TRRAP: variants seen among roughly 807,000 people sequenced by gnomAD.
The protein encoded by TRRAP is transformation/transcription domain-associated protein.
Under a neutral mutation model 438.8 loss-of-function variants are expected in TRRAP, and 41 were observed. The observed-to-expected ratio is 0.09, with a 90% CI of 0.07 to 0.12. The LOEUF (loss-of-function observed/expected upper bound fraction) is 0.12, where lower values mean the gene tolerates loss of function less well. TRRAP is among the 10% of genes least tolerant of loss of function. The pLI is 1.00. For synonymous variants in TRRAP, 1,994 were observed against 1,962.9 expected (o/e 1.02, Z -0.42); for missense variants, 3,122 against 5,055.1 (o/e 0.62, Z 11.60).
chr7:98,890,791 TTTTTTTTTTTTTTTA>T (rs1795930831), intron 4 of TRRAP, among the ~76,000 whole-genome samples: 1 of 126,236 alleles, frequency 7.9e-6, no homozygotes, highest in Admixed American at 7.5e-5. Flanking sequence ...CTTTTTTTTT[TTTTTTTTTTTTTTTA>T]AAAGACAAGG....
At chr7:98,879,316 G>A (rs1054201406) in intron 1 of TRRAP, among the ~76,000 whole-genome samples, 1 of 152,268 alleles carries the variant, frequency 6.6e-6, no homozygotes, top group Non-Finnish European at 1.5e-5. Context: ...GGAAATGGAA[G>A]AGTTGACGAC....
chr7:98,948,739 T>G lies in TRRAP; in HGVS notation c.4788+54T>G, dbSNP rs1371071002. ...GGTCCCTTCAAATGCTTGTGAGCTGTCGTGCTCTGAAATGTTCAGTTCATA... is the reference window on the plus strand; with the variant it reads ...GGTCCCTTCAAATGCTTGTGAGCTGGCGTGCTCTGAAATGTTCAGTTCATA... On this transcript the variant is annotated intron_variant, in intron 35 of 72. Coordinates refer to ENST00000456197, the MANE Select transcript of TRRAP (RefSeq NM_001375524.1). The surrounding 1 kb of genome is among the most constrained non-coding windows in gnomAD (Gnocchi z 4.9). 3.7e-6 allele frequency: 6 copies of G among 1,612,606 alleles called. 1 individual carries two copies. In the African/African-American group the frequency reaches 5.3e-5, roughly 14 times the overall value.
At chr7:98,947,838 G>A (rs1791155453) in intron 33 of TRRAP, among the ~76,000 whole-genome samples, 1 of 152,188 alleles carries the variant, frequency 6.6e-6, no homozygotes, top group Non-Finnish European at 1.5e-5. Context: ...TGGCAAAGTA[G>A]GGCATCCTCA....
Position 99,012,346 on chromosome 7 carries a change from C to A in TRRAP, c.11613C>A (p.Pro3871=). 6.3e-7 allele frequency: 1 copy of A among 1,596,298 alleles called. No homozygotes were observed. Among genetic ancestry groups the A allele is most frequent in the East Asian group, 2.3e-5 (1 of 43,996 alleles). The change falls in exon 73 of 73, where the codon CCC becomes CCA. Residue 3871 remains proline (P), a synonymous_variant. Transcript: ENST00000456197. This position sits in a 1 kb window ranked among gnomAD's most constrained non-coding sequence, Gnocchi z 5.9. The stretch of plus-strand genomic sequence containing the variant: ...GCCGCATGGACCCCGCCTGGCACCC[C>A]TGGCTGTGACTGTGGCCGCCACGGC... ...NLCRMDPAWH[P]WL
chr7:98,957,604 T>C (rs1159739817), intron 43 of TRRAP, among the ~76,000 whole-genome samples: 2 of 152,164 alleles, frequency 1.3e-5, no homozygotes, highest in Admixed American at 1.3e-4. Context: ...CTGCTCTCAA[T>C]GCACCCCTGG....
In TRRAP at chr7:98,978,196, A is replaced by AT. The variant is rs1562968851; in HGVS notation, c.8386-13dup. On this transcript the variant is annotated splice_polypyrimidine_tract_variant and intron_variant, in intron 56 of 72. Transcript: ENST00000456197. ...TCTAGTTAAACAGTGATTTAAAAAC[A>AT]TTAACTTTTTTTAGGCACAAGAATC... 1.2e-6 allele frequency: 2 copies of AT among 1,602,036 alleles called. No homozygotes were observed. The highest frequency in any genetic ancestry group is 2.2e-5 in the East Asian group (1 of 44,812).
rs761723485 is a variant in TRRAP at position 99,011,001 on chromosome 7, CA to C, written c.10939-43del. ...TTGCAATTTGAGAATTTTTCTTTTC[CA>C]AAAAAAATCAGTGAGTGAGATGGGA... On this transcript the variant is annotated intron_variant, in intron 70 of 72. Transcript: ENST00000456197. This position sits in a 1 kb window ranked among gnomAD's most constrained non-coding sequence, Gnocchi z 7.1. The C allele has an allele frequency of 6.9e-5, 107 of 1,547,018 alleles. No homozygotes were observed. The highest frequency in any genetic ancestry group is 8.6e-5 in the Non-Finnish European group (98 of 1,136,870).
At chr7:98,944,619 G>A (rs1484161144) in intron 31 of TRRAP, among the ~76,000 whole-genome samples, 1 of 152,152 alleles carries the variant, frequency 6.6e-6, no homozygotes, top group Non-Finnish European at 1.5e-5. Flanking sequence ...GAGACAACAG[G>A]GCCATGGCTT....
intron 41 of TRRAP, 100 bp downstream of exon 41, chr7:98,955,404 C>A: frequency 7.9e-7 from 1 of 1,270,570 alleles, no homozygotes; most frequent in Non-Finnish European, 1.1e-6. Flanking sequence ...GGTCGTTCAT[C>A]TTTTAGTAAG....
intron 4 of TRRAP, among the ~76,000 whole-genome samples, chr7:98,892,144 C>T (rs1011341483): frequency 6.6e-6 from 1 of 152,146 alleles, no homozygotes; most frequent in Non-Finnish European, 1.5e-5. Flanking sequence ...CACCAGTGTC[C>T]GTTGGACTTA....
chr7:98,937,374 C>A, intron 29 of TRRAP, 97 bp downstream of exon 29: 1 of 1,486,136 alleles, frequency 6.7e-7, no homozygotes, highest in South Asian at 1.4e-5. Context: ...GCTATATAAA[C>A]AGTGTATGCC....
intron 53 of TRRAP, among the ~76,000 whole-genome samples, chr7:98,974,257 G>T (rs2116721148): frequency 6.6e-6 from 1 of 152,314 alleles, no homozygotes; most frequent in Admixed American, 6.5e-5. Context: ...GCAAGATGGG[G>T]TTACAAATCA....
chr7:98,984,118 C>T lies in TRRAP; in HGVS notation c.9048C>T (p.Ser3016=), dbSNP rs755620745. ...YQAIVTAYEN[S]SQHDPSSNNA... ...CGATTGTAACTGCCTATGAGAATAG[C>T]TCTCAGCATGATCCCAGTTCAAATA... is the stretch of plus-strand genomic sequence containing the variant. The change falls in exon 61 of 73, where the codon AGC becomes AGT. Residue 3016 remains serine (S), a synonymous_variant. Transcript: ENST00000456197. 1.2e-6 allele frequency: 2 copies of T among 1,611,826 alleles called. No individual in the cohort carries two copies. The highest frequency in any genetic ancestry group is 3.3e-4 in the Middle Eastern group (2 of 6,060).
chr7:98,932,578 G>C (rs1258508279), intron 26 of TRRAP, among the ~76,000 whole-genome samples: 1 of 151,792 alleles, frequency 6.6e-6, no homozygotes, highest in Non-Finnish European at 1.5e-5. Context: ...TCCTGGGGTC[G>C]AGCAGTCCTC....
chr7:98,964,541 T>A, intron 47 of TRRAP, 88 bp from the exon 48 acceptor site: 2 of 1,472,832 alleles, frequency 1.4e-6, no homozygotes, highest in Non-Finnish European at 1.9e-6. Context: ...TTTGTCAGAA[T>A]ACATTGTTTT....
At chr7:98,970,739 C>T (rs543215429) in intron 52 of TRRAP, among the ~76,000 whole-genome samples, 28 of 152,234 alleles carry the variant, frequency 1.8e-4, no homozygotes, top group African/African-American at 5.3e-4. Flanking sequence ...GAGAAAAGCC[C>T]GTGTTCATTA....
intron 61 of TRRAP, 35 bp downstream of exon 61, chr7:98,984,393 G>T: frequency 6.7e-7 from 1 of 1,499,254 alleles, no homozygotes; most frequent in South Asian, 1.4e-5. Flanking sequence ...GAGGCCAGGT[G>T]GAGATTGAGG....
In TRRAP at chr7:98,882,651, C is replaced by T. The variant is rs368788064; in HGVS notation, c.150+627C>T. Among the ~76,000 whole-genome samples, 20 of 151,016 alleles carry T rather than the reference C, an allele frequency of 1.3e-4. No homozygotes were observed. The East Asian group carries it at 2.9e-3, about 22-fold the overall frequency. Reference sequence around the variant, plus strand: ...GTGATAGCATTACAGGCGTGAGCCACCTCACCTGGCCTGTTTATTGTCTTT... The same window carrying T: ...GTGATAGCATTACAGGCGTGAGCCATCTCACCTGGCCTGTTTATTGTCTTT... On this transcript the variant is annotated intron_variant, in intron 3 of 72. Transcript: ENST00000456197.
At chr7:98,916,945 T>C (rs2116443708) in intron 19 of TRRAP, among the ~76,000 whole-genome samples, 1 of 152,208 alleles carries the variant, frequency 6.6e-6, no homozygotes, top group African/African-American at 2.4e-5. Context: ...GCCTTTCTCT[T>C]TCTAGCCAGC....
Sources: allele counts gnomAD v4.1 joint callset (sites outside exome capture counted in the v4.1 genomes callset), GRCh38; gene constraint gnomAD v4.1.1; non-coding constraint Gnocchi (gnomAD v3.1); transcripts MANE v1.5; gene names NCBI Gene and HGNC (gene_info 2026-07-23, HGNC 2026-07-21).